Variants in CUBN observed in about 807,000 individuals in gnomAD.
CUBN encodes 460 kDa receptor.
In CUBN, 282 loss-of-function variants were observed where a neutral mutation model predicts 405.3. The ratio of observed to expected loss-of-function variants is 0.70; its 90% CI spans 0.63 to 0.77. CUBN has a LOEUF of 0.77. CUBN is among the 30% of genes least tolerant of loss of function. The probability of loss-of-function intolerance (pLI) is 0.00; values close to 1 mark genes in which losing one functional copy is unlikely to be tolerated. For missense variants in CUBN, 4,514 were observed against 4,475.2 expected, an observed-to-expected ratio of 1.01 and a Z score of -0.25; for synonymous variants, 1,684 against 1,617.0, an observed-to-expected ratio of 1.04 and a Z score of -0.99.
chr10:16,898,804 A>T (rs191071250), intron 54 of CUBN, among the ~76,000 whole-genome samples, 192 bp downstream of exon 54: 19 of 152,138 alleles, frequency 1.2e-4, no homozygotes, highest in Admixed American at 1.2e-3. Flanking sequence ...TCCCTTTAGG[A>T]TCTATTAGAA....
intron 64 of CUBN, among the ~76,000 whole-genome samples, chr10:16,832,407 T>C (rs1185250452): frequency 6.6e-6 from 1 of 152,192 alleles, no homozygotes; most frequent in Non-Finnish European, 1.5e-5. Flanking sequence ...TCAGGTGAGA[T>C]TCCTTTTAGG....
chr10:16,839,419 A>C (rs562501167), intron 62 of CUBN, among the ~76,000 whole-genome samples: 2 of 152,238 alleles, frequency 1.3e-5, no homozygotes, highest in South Asian at 4.2e-4. Context: ...ATGAACAGAC[A>C]CTTCTCAAAA....
At chr10:17,064,808 T>C (rs752798190) in intron 22 of CUBN, among the ~76,000 whole-genome samples, 7 of 152,126 alleles carry the variant, frequency 4.6e-5, no homozygotes, top group Admixed American at 1.3e-4. Context: ...GGCATAGTAA[T>C]AATGAGAAAT....
At chr10:17,090,856 T>A (rs1460385686) in intron 14 of CUBN, among the ~76,000 whole-genome samples, 1 of 146,170 alleles carries the variant, frequency 6.8e-6, no homozygotes, top group Non-Finnish European at 1.5e-5. Flanking sequence ...AACTCTATAA[T>A]CTCAATATTC....
rs962756192 is a variant in CUBN, at chr10:17,113,885, C to T, written c.883+142G>A. 4.8e-6 allele frequency: 4 copies of T among 826,278 alleles called. No homozygotes were observed. In the African/African-American group the frequency reaches 5.1e-5, roughly 10 times the overall value. The allele number at this position is 826,278 out of a possible 1,614,324, so 51.2% of individuals were successfully genotyped here. A position where few individuals can be genotyped will look rare whatever the true frequency, so the allele number is the denominator to read the frequency against. On this transcript the variant is annotated intron_variant, in intron 8 of 66. Coordinates refer to ENST00000377833, the MANE Select transcript of CUBN (RefSeq NM_001081.4). The stretch of plus-strand genomic sequence containing the variant: ...CGTGGAATTGTGATAGCAGTGAGAT[C>T]GTCGAGCAGAACCAGGACACAAAAC...
intron 41 of CUBN, among the ~76,000 whole-genome samples, chr10:16,926,086 T>C (rs1418834695): frequency 2.0e-5 from 3 of 152,202 alleles, no homozygotes; most frequent in African/African-American, 7.2e-5. Context: ...GAGATGGTGA[T>C]AAATTCTATA....
intron 12 of CUBN, among the ~76,000 whole-genome samples, chr10:17,103,860 G>A (rs190693186): frequency 6.6e-6 from 1 of 152,274 alleles, no homozygotes; most frequent in East Asian, 1.9e-4. Flanking sequence ...CCAAATAAAT[G>A]AACACAGTGG....
intron 23 of CUBN, 85 bp downstream of exon 23, chr10:17,047,329 A>ATT (rs35217629): frequency 3.5e-6 from 4 of 1,149,532 alleles, no homozygotes; most frequent in African/African-American, 1.6e-5. Flanking sequence ...GAATTTCCAT[A>ATT]TTTTTTTCCT....
chr10:17,089,137 G>A (rs1405302356), intron 14 of CUBN, among the ~76,000 whole-genome samples: 1 of 152,106 alleles, frequency 6.6e-6, no homozygotes, highest in African/African-American at 2.4e-5. Context: ...AGTGAGATAG[G>A]TAACATTTTA....
chr10:17,047,721 TG>T, intron 22 of CUBN, 118 bp from the exon 23 acceptor site: 1 of 926,196 alleles, frequency 1.1e-6, no homozygotes, highest in Non-Finnish European at 1.7e-6. Context: ...TAAGCCATTC[TG>T]GAATGTGCAA....
chr10:16,981,920 G>A (rs1833287875), intron 31 of CUBN, among the ~76,000 whole-genome samples: 1 of 152,164 alleles, frequency 6.6e-6, no homozygotes, highest in Non-Finnish European at 1.5e-5. Context: ...ATTTGTTCAA[G>A]TAGCAAATCA....
chr10:16,974,861 A>G (rs1833045922), intron 31 of CUBN, among the ~76,000 whole-genome samples: 1 of 152,132 alleles, frequency 6.6e-6, no homozygotes, highest in South Asian at 2.1e-4. Flanking sequence ...TAAATAGTAA[A>G]TATATTTTCT....
intron 38 of CUBN, 76 bp from the exon 39 acceptor site, chr10:16,937,860 C>A: frequency 7.5e-7 from 1 of 1,339,772 alleles, no homozygotes; most frequent in Non-Finnish European, 1.0e-6. Flanking sequence ...AAAAAAGATG[C>A]CTTATATTAT....
chr10:17,009,967 T>C (rs544479850), intron 28 of CUBN, among the ~76,000 whole-genome samples: 2 of 152,240 alleles, frequency 1.3e-5, no homozygotes, highest in Non-Finnish European at 2.9e-5. Flanking sequence ...TTCTACCATC[T>C]CATTTCTCCA....
At chr10:16,828,669 G>A (rs1838870061) in intron 66 of CUBN, 136 bp downstream of exon 66, 2 of 720,662 alleles carry the variant, frequency 2.8e-6, no homozygotes. Flanking sequence ...AGTGAGTTGA[G>A]ATTGCGCGCA....
chr10:17,056,935 A>C (rs1296605477), intron 22 of CUBN, among the ~76,000 whole-genome samples: 2 of 152,190 alleles, frequency 1.3e-5, no homozygotes, highest in Non-Finnish European at 2.9e-5. Context: ...GTCAAAAAGC[A>C]CGTGAAAAGG....
At chr10:16,975,499 C>T (rs1169728298) in intron 31 of CUBN, among the ~76,000 whole-genome samples, 2 of 152,098 alleles carry the variant, frequency 1.3e-5, no homozygotes, top group African/African-American at 4.8e-5. Flanking sequence ...ATGGATTCTG[C>T]ACTGTATCAA....
intron 22 of CUBN, among the ~76,000 whole-genome samples, chr10:17,049,298 CAG>C (rs796937879): frequency 4.7e-4 from 71 of 152,338 alleles, no homozygotes; most frequent in African/African-American, 1.7e-3. Context: ...ACAGAACAGA[CAG>C]ACTCATTGAC....
chr10:17,095,134 T>A (rs928763565), intron 14 of CUBN, among the ~76,000 whole-genome samples: 2 of 151,960 alleles, frequency 1.3e-5, no homozygotes, highest in African/African-American at 4.8e-5. Context: ...TTGACAAACA[T>A]GGCAAGAACA....
Sources: allele counts gnomAD v4.1 joint callset (sites outside exome capture counted in the v4.1 genomes callset), GRCh38; gene constraint gnomAD v4.1.1; transcripts MANE v1.5; gene names NCBI Gene and HGNC (gene_info 2026-07-23, HGNC 2026-07-21).